Variants in MRPS28 observed in about 807,000 individuals in gnomAD.
MRPS28 encodes the protein small ribosomal subunit protein bS1m.
MRPS28 carries 7 observed loss-of-function variants against 10.8 expected under a neutral mutation model. The ratio of observed to expected loss-of-function variants is 0.65; its 90% CI spans 0.37 to 1.22. The LOEUF is 1.22. Among genes scored for constraint, MRPS28 ranks in the 50% most tolerant of loss-of-function variants. MRPS28 has a pLI of 0.02. For missense variants in MRPS28, 265 were observed against 232.9 expected (o/e 1.14, Z -0.90); for synonymous variants, 121 against 93.3 (o/e 1.30, Z -1.71).
At chr8:80,014,762 CCAT>C (rs1809151874) in intron 1 of MRPS28, among the ~76,000 whole-genome samples, 1 of 152,108 alleles carries the variant, frequency 6.6e-6, no homozygotes. Context: ...TCAGTCACCA[CCAT>C]CAAGTTTTAT....
At chr8:79,926,323 A>C (rs1368308751) in intron 2 of MRPS28, among the ~76,000 whole-genome samples, 1 of 152,182 alleles carries the variant, frequency 6.6e-6, no homozygotes, top group Non-Finnish European at 1.5e-5. Flanking sequence ...GACTGAAACA[A>C]GTTTTTTCAG....
At chr8:79,927,262 G>A (rs752420466) in intron 2 of MRPS28, among the ~76,000 whole-genome samples, 4 of 152,168 alleles carry the variant, frequency 2.6e-5, no homozygotes, top group African/African-American at 9.7e-5. Context: ...ACCAAAAGAC[G>A]TAAGATTTTC....
In MRPS28 at chr8:79,962,582, T is replaced by C. The variant is rs1031122576; in HGVS notation, c.395+40417A>G. Among the ~76,000 whole-genome samples the C allele has an allele frequency of 2.8e-4, 43 of 152,140 alleles. 1 individual carries two copies. The highest frequency in any genetic ancestry group is 2.9e-5 in the Non-Finnish European group (2 of 68,012). ...GTTTCACTCCTGATATACTTCATAA[T>C]ACCACTAGTGACAGCAGGAATTAGA... On this transcript the variant is annotated intron_variant, in intron 2 of 2. Transcript: ENST00000276585.
At chr8:80,021,009 T>C (rs1809344892) in intron 1 of MRPS28, among the ~76,000 whole-genome samples, 3 of 151,228 alleles carry the variant, frequency 2.0e-5, no homozygotes, top group Admixed American at 6.6e-5. Flanking sequence ...ACACACACTT[T>C]TTTTTTTTTT....
chr8:79,981,009 G>A (rs1807937955), intron 2 of MRPS28, among the ~76,000 whole-genome samples: 2 of 152,160 alleles, frequency 1.3e-5, no homozygotes, highest in South Asian at 2.1e-4. Flanking sequence ...CCTCTTCAGT[G>A]AAATAAATGA....
At chr8:79,959,260 T>C (rs531079288) in intron 2 of MRPS28, among the ~76,000 whole-genome samples, 2 of 152,230 alleles carry the variant, frequency 1.3e-5, no homozygotes, top group South Asian at 2.1e-4. Context: ...TATTAAGTAA[T>C]GTTCAAAGAA....
intron 2 of MRPS28, among the ~76,000 whole-genome samples, chr8:79,953,424 C>T (rs1343096686): frequency 6.6e-6 from 1 of 152,056 alleles, no homozygotes. Context: ...CATTTATAGG[C>T]CTTTATTTTT....
intron 2 of MRPS28, among the ~76,000 whole-genome samples, chr8:79,944,154 G>A (rs543481462): frequency 9.8e-4 from 149 of 152,328 alleles, no homozygotes; most frequent in African/African-American, 3.3e-3. Context: ...TAAGAAATAT[G>A]ATCTGGTTAA....
chr8:79,988,311 T>A (rs1364963717), intron 2 of MRPS28, among the ~76,000 whole-genome samples: 1 of 147,662 alleles, frequency 6.8e-6, no homozygotes, highest in Non-Finnish European at 1.5e-5. Flanking sequence ...TTAGGAGATA[T>A]ACCTAATGCT....
chr8:79,965,973 T>A (rs1484437138), intron 2 of MRPS28, among the ~76,000 whole-genome samples: 8 of 152,032 alleles, frequency 5.3e-5, no homozygotes, highest in Non-Finnish European at 1.2e-4. Context: ...TCTGAACATA[T>A]GTAAGTATTC....
In MRPS28 at chr8:79,987,239, C is replaced by G. The variant is rs959514475; in HGVS notation, c.395+15760G>C. On this transcript the variant is annotated intron_variant, in intron 2 of 2. Transcript: ENST00000276585. The stretch of plus-strand genomic sequence containing the variant: ...GCTAGCCATATGTAGAAAGCTGAAA[C>G]TGGATCCCTTCCTTACACCTTATAC... Among the ~76,000 whole-genome samples, 215 of 152,142 alleles carry G rather than the reference C, an allele frequency of 1.4e-3. 2 individuals are homozygous for G. Among genetic ancestry groups the G allele is most frequent in the African/African-American group, 4.7e-3 (197 of 41,498 alleles).
chr8:80,011,134 TATTTTTA>T (rs1413113706), intron 1 of MRPS28, among the ~76,000 whole-genome samples: 1 of 146,534 alleles, frequency 6.8e-6, no homozygotes, highest in African/African-American at 2.7e-5. Context: ...TTTATTTTTT[TATTTTTA>T]TTTTTTTTTG....
At chr8:80,003,432 G>A (rs1423153786) in intron 1 of MRPS28, among the ~76,000 whole-genome samples, 12 of 152,176 alleles carry the variant, frequency 7.9e-5, no homozygotes, top group African/African-American at 2.7e-4. Flanking sequence ...TTGGGAGGCC[G>A]AGGCAGGTGG....
chr8:79,953,649 A>T (rs1807134170), intron 2 of MRPS28, among the ~76,000 whole-genome samples: 2 of 152,216 alleles, frequency 1.3e-5, no homozygotes, highest in Non-Finnish European at 2.9e-5. Flanking sequence ...ACACTTTGGG[A>T]TACGTAAAGC....
intron 2 of MRPS28, among the ~76,000 whole-genome samples, chr8:79,971,943 G>A (rs1807646156): frequency 6.6e-6 from 1 of 152,006 alleles, no homozygotes; most frequent in South Asian, 2.1e-4. Flanking sequence ...CTCAGGATCT[G>A]CCCGCCTCAG....
At chr8:79,971,580 A>T (rs74841401) in intron 2 of MRPS28, among the ~76,000 whole-genome samples, 1 of 152,184 alleles carries the variant, frequency 6.6e-6, no homozygotes, top group Non-Finnish European at 1.5e-5. Flanking sequence ...ATACTTGACT[A>T]TTCTGCACAT....
intron 2 of MRPS28, among the ~76,000 whole-genome samples, chr8:79,947,992 CTT>C (rs1193631175): frequency 2.5e-5 from 3 of 121,580 alleles, no homozygotes; most frequent in Admixed American, 8.4e-5. Flanking sequence ...TTTTTTTCTT[CTT>C]TTTTTTTTTT....
In MRPS28 at chr8:80,005,171, A is replaced by G. The variant is rs568061068; in HGVS notation, c.214-1991T>C. Among the ~76,000 whole-genome samples the G allele has an allele frequency of 2.6e-5, 4 of 152,338 alleles. No individual in the cohort carries two copies. The South Asian group carries it at 8.3e-4, about 32-fold the overall frequency. On this transcript the variant is annotated intron_variant, in intron 1 of 2. Coordinates refer to ENST00000276585, the MANE Select transcript of MRPS28 (RefSeq NM_014018.3). ...ATACTCCTCGAGAAGAGCAACTCCA[A>G]GACACACAATTATCAGATTCACCAA... is the stretch of plus-strand genomic sequence containing the variant.
At chr8:79,990,928 T>C (rs1472392838) in intron 2 of MRPS28, among the ~76,000 whole-genome samples, 1 of 150,104 alleles carries the variant, frequency 6.7e-6, no homozygotes, top group East Asian at 1.9e-4. Flanking sequence ...GAGGTGGAGG[T>C]TGCAGTGAGC....
Sources: gnomAD v4.1 joint callset for allele counts (sites outside exome capture counted in the v4.1 genomes callset) on GRCh38, gnomAD v4.1.1 for gene constraint, MANE v1.5 for transcripts, NCBI Gene and HGNC (gene_info 2026-07-23, HGNC 2026-07-21) for gene names.